Variants in DLG2 observed in about 807,000 individuals in gnomAD.
The protein encoded by DLG2 is discs large MAGUK scaffold protein 2, also known as disks large homolog 2.
A neutral mutation model predicts 132.5 loss-of-function variants in DLG2; 45 were observed. That is an observed-to-expected ratio of 0.34 (90% confidence interval 0.27 to 0.44). The LOEUF is 0.44. DLG2 is among the 20% of genes least tolerant of loss of function. The pLI is 1.00. For missense variants in DLG2, 1,045 were observed against 1,196.9 expected, an observed-to-expected ratio of 0.87 and a Z score of 1.87; for synonymous variants, 424 against 419.6, an observed-to-expected ratio of 1.01 and a Z score of -0.13.
intron 17 of DLG2, among the ~76,000 whole-genome samples, chr11:83,831,462 G>A (rs1239617440): frequency 6.6e-6 from 1 of 151,882 alleles, no homozygotes; most frequent in Admixed American, 6.6e-5. Context: ...CAAATTTCCG[G>A]ACACCTTACT....
Position 84,665,249 on chromosome 11 carries a change from C to T in DLG2, c.358-130518G>A, listed in dbSNP as rs1394888061. ...ATATAATAGTATTGATGGAGCTTTA[C>T]AATGTGTCACACACTGTCTTAAGTG... On this transcript the variant is annotated intron_variant, in intron 6 of 27. Coordinates refer to ENST00000376104, the MANE Select transcript of DLG2 (RefSeq NM_001142699.3). 2.6e-5 allele frequency among the ~76,000 whole-genome samples: 4 copies of T among 152,108 alleles called. No homozygotes were observed. The East Asian group carries it at 7.7e-4, about 29-fold the overall frequency.
At chr11:84,509,701 A>C (rs1194800253) in intron 7 of DLG2, among the ~76,000 whole-genome samples, 1 of 152,196 alleles carries the variant, frequency 6.6e-6, no homozygotes, top group African/African-American at 2.4e-5. Context: ...CTATATGTTT[A>C]AAATGACAAA....
intron 6 of DLG2, among the ~76,000 whole-genome samples, chr11:84,844,934 CA>C (rs1194982800): frequency 6.6e-6 from 1 of 152,110 alleles, no homozygotes; most frequent in Non-Finnish European, 1.5e-5. Context: ...AAATGATAAG[CA>C]AATCCAGTGA....
chr11:84,365,771 C>A (rs141261019), intron 7 of DLG2, among the ~76,000 whole-genome samples: 7,823 of 151,684 alleles, frequency 0.052, 681 homozygotes, highest in African/African-American at 0.18. Context: ...CGTTATGTAC[C>A]CAGTAGTCAT....
At chr11:84,969,057 A>T (rs1199866001) in intron 6 of DLG2, among the ~76,000 whole-genome samples, 6 of 150,548 alleles carry the variant, frequency 4.0e-5, no homozygotes, top group Non-Finnish European at 8.9e-5. Flanking sequence ...CTCAAAGGAA[A>T]CTTTATTCTT....
intron 5 of DLG2, among the ~76,000 whole-genome samples, chr11:85,153,965 T>A (rs2077426455): frequency 6.6e-6 from 1 of 152,078 alleles, no homozygotes; most frequent in Admixed American, 6.5e-5. Context: ...ATTTATTTAA[T>A]TTAGCTGCCT....
chr11:85,540,734 G>A (rs115336250), intron 3 of DLG2, among the ~76,000 whole-genome samples: 165 of 152,336 alleles, frequency 1.1e-3, no homozygotes, highest in African/African-American at 3.8e-3. Context: ...CACACCCACT[G>A]GGACTTCGGG....
At chr11:84,760,000 A>T (rs1296332792) in intron 6 of DLG2, among the ~76,000 whole-genome samples, 1 of 152,144 alleles carries the variant, frequency 6.6e-6, no homozygotes, top group Non-Finnish European at 1.5e-5. Context: ...TCTTTACACG[A>T]AGGAAGAATC....
At position 83,988,102 on chromosome 11, in the gene DLG2, A is replaced by G. The variant is rs561279853; in HGVS notation, c.920-7460T>C. 2.6e-5 allele frequency among the ~76,000 whole-genome samples: 4 copies of G among 152,150 alleles called. No individual in the cohort carries two copies. In the South Asian group the frequency reaches 8.3e-4, roughly 32 times the overall value. On this transcript the variant is annotated intron_variant, in intron 11 of 27. Transcript: ENST00000376104. ...CTGTAGGTTGTCTGGAACTCTGATGATAGTTTATTTTGCTGTGCAGAAGTT... is the reference window on the plus strand; with the variant it reads ...CTGTAGGTTGTCTGGAACTCTGATGGTAGTTTATTTTGCTGTGCAGAAGTT...
intron 18 of DLG2, among the ~76,000 whole-genome samples, chr11:83,704,075 T>C (rs2083443075): frequency 6.6e-6 from 1 of 152,194 alleles, no homozygotes; most frequent in Admixed American, 6.5e-5. Flanking sequence ...AAATCAATAG[T>C]TATTTTTTAT....
intron 4 of DLG2, among the ~76,000 whole-genome samples, chr11:85,220,637 A>AATATATATAT (rs1554992640): frequency 2.6e-4 from 38 of 148,310 alleles, no homozygotes; most frequent in Admixed American, 7.4e-4. Flanking sequence ...TAGAAAAAAA[A>AATATATATAT]ATATATATAT....
At chr11:84,834,115 G>T (rs1197300170) in intron 6 of DLG2, among the ~76,000 whole-genome samples, 2 of 151,516 alleles carry the variant, frequency 1.3e-5, no homozygotes, top group Admixed American at 1.3e-4. Context: ...CTTTAGAGAG[G>T]ACAGTAGAAA....
chr11:85,572,585 C>T (rs2077907233), intron 3 of DLG2, among the ~76,000 whole-genome samples: 1 of 152,054 alleles, frequency 6.6e-6, no homozygotes, highest in Non-Finnish European at 1.5e-5. Flanking sequence ...ATTTATCTTT[C>T]TTTGCATACC....
At chr11:83,771,541 C>A (rs1017479736) in intron 18 of DLG2, among the ~76,000 whole-genome samples, 2 of 152,056 alleles carry the variant, frequency 1.3e-5, no homozygotes, top group African/African-American at 2.4e-5. Flanking sequence ...CTTGTTCCTG[C>A]GCTACAAATA....
At chr11:85,369,456 G>A (rs1188967287) in intron 3 of DLG2, among the ~76,000 whole-genome samples, 4 of 151,840 alleles carry the variant, frequency 2.6e-5, no homozygotes, top group African/African-American at 9.7e-5. Flanking sequence ...CCCGTCAGCA[G>A]TTAACCTTTA....
intron 6 of DLG2, among the ~76,000 whole-genome samples, chr11:84,592,769 C>T (rs1010387714): frequency 2.7e-5 from 4 of 150,848 alleles, no homozygotes; most frequent in African/African-American, 9.8e-5. Flanking sequence ...CAATGAGATA[C>T]CATCTCATGC....
chr11:84,048,522 C>G (rs975647215), intron 11 of DLG2, among the ~76,000 whole-genome samples: 14 of 151,668 alleles, frequency 9.2e-5, no homozygotes, highest in African/African-American at 3.4e-4. Flanking sequence ...GGAACTTGAT[C>G]CCAGGACATG....
At chr11:83,759,590 T>C (rs1326852812) in intron 18 of DLG2, among the ~76,000 whole-genome samples, 2 of 152,168 alleles carry the variant, frequency 1.3e-5, no homozygotes, top group African/African-American at 4.8e-5. Flanking sequence ...GTTCAACAAA[T>C]TACACTCATG....
intron 6 of DLG2, among the ~76,000 whole-genome samples, chr11:84,549,815 G>A (rs557200132): frequency 4.0e-5 from 6 of 151,832 alleles, no homozygotes; most frequent in Admixed American, 6.6e-5. Flanking sequence ...GTGCAGTGGC[G>A]CAATCTCAGC....
Sources: gnomAD v4.1 joint callset for allele counts (sites outside exome capture counted in the v4.1 genomes callset) on GRCh38, gnomAD v4.1.1 for gene constraint, MANE v1.5 for transcripts, NCBI Gene and HGNC (gene_info 2026-07-23, HGNC 2026-07-21) for gene names.